The following PDE7B variants were observed in gnomAD, a reference collection of about 807,000 sequenced individuals.
The protein encoded by PDE7B is phosphodiesterase 7B.
A neutral mutation model predicts 56.2 loss-of-function variants in PDE7B; 29 were observed. The ratio of observed to expected loss-of-function variants is 0.52; its 90% confidence interval spans 0.38 to 0.70. The LOEUF is 0.70. PDE7B is among the 30% of genes least tolerant of loss of function. The probability of loss-of-function intolerance (pLI) is 0.00; values close to 1 mark genes in which losing one functional copy is unlikely to be tolerated. For synonymous variants in PDE7B, 197 were observed against 196.9 expected (o/e 1.00, Z 0.00); for missense variants, 490 against 565.0 (o/e 0.87, Z 1.35).
chr6:136,000,544 G>C (rs923899799), intron 2 of PDE7B, among the ~76,000 whole-genome samples: 1 of 152,144 alleles, frequency 6.6e-6, no homozygotes, highest in Non-Finnish European at 1.5e-5. Context: ...GATGGTTGAA[G>C]ATCAGATGGC....
Position 136,052,453 on chromosome 6 carries a change from A to G in PDE7B, c.83-56278A>G, listed in dbSNP as rs545355185. On this transcript the variant is annotated intron_variant, in intron 2 of 12. Transcript: ENST00000308191. The stretch of plus-strand genomic sequence containing the variant: ...ATGGGAAGAGGTGAACCAGCTGGGG[A>G]GAGTTTTGCAGGCTCTTGTAGTGAA... Among the ~76,000 whole-genome samples the G allele has an allele frequency of 8.5e-5, 13 of 152,172 alleles. No individual in the cohort carries two copies. The South Asian group carries it at 2.3e-3, about 27-fold the overall frequency.
At chr6:135,930,113 A>T (rs1774269258) in intron 1 of PDE7B, among the ~76,000 whole-genome samples, 1 of 152,202 alleles carries the variant, frequency 6.6e-6, no homozygotes, top group South Asian at 2.1e-4. Context: ...TTACAATTCC[A>T]TATGGCTGGG....
chr6:135,893,859 A>G (rs1014057608), intron 1 of PDE7B, among the ~76,000 whole-genome samples: 1 of 152,210 alleles, frequency 6.6e-6, no homozygotes, highest in African/African-American at 2.4e-5. Context: ...TGAAGTGAAA[A>G]GAGAACATTT....
intron 1 of PDE7B, among the ~76,000 whole-genome samples, chr6:135,909,224 C>A (rs967187936): frequency 2.0e-5 from 3 of 151,944 alleles, no homozygotes; most frequent in African/African-American, 7.3e-5. Flanking sequence ...AAGAGGAATG[C>A]GAGTGTGTAG....
intron 2 of PDE7B, among the ~76,000 whole-genome samples, chr6:136,079,581 C>G (rs1217115734): frequency 7.2e-5 from 11 of 152,192 alleles, no homozygotes; most frequent in Admixed American, 5.9e-4. Context: ...ACACACAGAC[C>G]ACTTAAAGAC....
intron 2 of PDE7B, among the ~76,000 whole-genome samples, chr6:135,965,695 C>T (rs533718211): frequency 9.2e-5 from 14 of 152,236 alleles, no homozygotes; most frequent in South Asian, 8.3e-4. Context: ...CCTCATGATT[C>T]GGTTACCTCC....
chr6:136,014,260 G>T, intron 2 of PDE7B, among the ~76,000 whole-genome samples: 1 of 152,144 alleles, frequency 6.6e-6, no homozygotes, highest in East Asian at 1.9e-4. Context: ...ATACCACTAA[G>T]GTGATAATCT....
chr6:136,052,203 G>T (rs1776641780), intron 2 of PDE7B, among the ~76,000 whole-genome samples: 1 of 152,162 alleles, frequency 6.6e-6, no homozygotes, highest in African/African-American at 2.4e-5. Flanking sequence ...TATATAAAAA[G>T]TAGGAGGAAA....
intron 5 of PDE7B, among the ~76,000 whole-genome samples, chr6:136,149,540 T>C (rs1778476789): frequency 6.6e-6 from 1 of 152,236 alleles, no homozygotes; most frequent in African/African-American, 2.4e-5. Flanking sequence ...TATGCAGTTT[T>C]ATTAAGTGAG....
At chr6:136,098,048 T>C (rs1294625924) in intron 2 of PDE7B, 1 of 147,056 alleles carries the variant, frequency 6.8e-6, no homozygotes, top group Non-Finnish European at 1.5e-5. Flanking sequence ...ACATCACCCC[T>C]TAAGGGAACC....
At chr6:135,979,567 T>C (rs1003751608) in intron 2 of PDE7B, among the ~76,000 whole-genome samples, 19 of 152,086 alleles carry the variant, frequency 1.2e-4, no homozygotes, top group Non-Finnish European at 2.5e-4. Context: ...CTGTTATTGG[T>C]CTATTCAGAG....
chr6:136,065,837 G>A (rs891305001), intron 2 of PDE7B, among the ~76,000 whole-genome samples: 2 of 152,092 alleles, frequency 1.3e-5, no homozygotes, highest in African/African-American at 4.8e-5. Flanking sequence ...CAGCTATTAT[G>A]GAACAGTTAA....
chr6:136,108,722 G>C lies in PDE7B; in HGVS notation c.83-9G>C. ...TTTCAAGCCTTTGTTTGGATTTTCT[G>C]TTTTCTAGGAGATATACGACTAAGG... On this transcript the variant is annotated splice_polypyrimidine_tract_variant and intron_variant, in intron 2 of 12. Coordinates refer to ENST00000308191, the MANE Select transcript of PDE7B (RefSeq NM_018945.4). 1.9e-6 allele frequency: 3 copies of C among 1,587,124 alleles called. No homozygotes were observed. The highest frequency in any genetic ancestry group is 2.6e-6 in the Non-Finnish European group (3 of 1,155,460).
rs1583705082 is a variant in PDE7B at position 135,854,897 on chromosome 6, G to A, written c.21+2878G>A. On this transcript the variant is annotated intron_variant, in intron 1 of 12. Transcript: ENST00000308191. ...GCATTGTTAGAAATTTCAGTACAGAGAGTGAAATATGTCAAAGTTCTTATG... is the reference window on the plus strand; with the variant it reads ...GCATTGTTAGAAATTTCAGTACAGAAAGTGAAATATGTCAAAGTTCTTATG... Among the ~76,000 whole-genome samples, 3 of 152,338 alleles carry A rather than the reference G, an allele frequency of 2.0e-5. No homozygotes were observed. The East Asian group carries it at 5.8e-4, about 29-fold the overall frequency.
rs112861872 is a variant in PDE7B, at chr6:136,135,367, T to C, written c.167-11984T>C. Among the ~76,000 whole-genome samples the C allele has an allele frequency of 3.0e-3, 464 of 152,216 alleles. 1 individual carries two copies. The highest frequency in any genetic ancestry group is 0.01 in the African/African-American group (430 of 41,564). The stretch of plus-strand genomic sequence containing the variant: ...TGTTGTATGTGTTTTTGTTTTCTAA[T>C]AGTTACAACTCATCTTCTTTTCTAT... On this transcript the variant is annotated intron_variant, in intron 3 of 12. Coordinates refer to ENST00000308191, the MANE Select transcript of PDE7B (RefSeq NM_018945.4).
intron 1 of PDE7B, among the ~76,000 whole-genome samples, chr6:135,945,320 A>G (rs1385132881): frequency 1.3e-5 from 2 of 152,194 alleles, no homozygotes; most frequent in Non-Finnish European, 2.9e-5. Context: ...ACACGAGGTG[A>G]GCAGAGTAGC....
intron 1 of PDE7B, among the ~76,000 whole-genome samples, chr6:135,877,164 T>C (rs1298899958): frequency 6.6e-6 from 1 of 152,142 alleles, no homozygotes; most frequent in African/African-American, 2.4e-5. Flanking sequence ...GCAACCTGCT[T>C]GTTTTGTGGA....
At position 136,191,891 on chromosome 6, in the gene PDE7B, C is replaced by T. The variant is rs1413217872; in HGVS notation, c.*51C>T. On this transcript the variant is annotated 3_prime_UTR_variant, in exon 13 of 13. Coordinates refer to ENST00000308191, the MANE Select transcript of PDE7B (RefSeq NM_018945.4). Reference sequence around the variant, plus strand: ...CTCCTCCGGCAGGGCCCCCAGAGGGCAGAAGCAGCGTGGAGGGGCCCTCAC... The same window carrying T: ...CTCCTCCGGCAGGGCCCCCAGAGGGTAGAAGCAGCGTGGAGGGGCCCTCAC... 26 of 1,418,676 alleles carry T rather than the reference C, an allele frequency of 1.8e-5. No homozygotes were observed. The highest frequency in any genetic ancestry group is 6.0e-5 in the Admixed American group (3 of 50,370). 87.9% of individuals were successfully genotyped at this position (1,418,676 alleles called of 1,614,324 possible).
chr6:136,145,525 C>T (rs530069312), intron 3 of PDE7B, among the ~76,000 whole-genome samples: 12 of 152,166 alleles, frequency 7.9e-5, no homozygotes, highest in Non-Finnish European at 1.6e-4. Context: ...CTCGTTGCTA[C>T]TTCTAGGCAC....
Sources: gnomAD v4.1 joint callset for allele counts (sites outside exome capture counted in the v4.1 genomes callset) on GRCh38, gnomAD v4.1.1 for gene constraint, MANE v1.5 for transcripts, NCBI Gene and HGNC (gene_info 2026-07-23, HGNC 2026-07-21) for gene names.